MCM8: variants seen among roughly 807,000 people sequenced by gnomAD.
The protein encoded by MCM8 is DNA helicase MCM8.
MCM8 carries 85 observed loss-of-function variants against 98.9 expected under a neutral mutation model. The ratio of observed to expected loss-of-function variants is 0.86; its 90% CI spans 0.72 to 1.03. MCM8 has a LOEUF of 1.03. MCM8 is among the 50% of genes least tolerant of loss of function. MCM8 has a pLI of 0.00. For missense variants in MCM8, 951 were observed against 997.8 expected (o/e 0.95, Z 0.63); for synonymous variants, 352 against 338.6 (o/e 1.04, Z -0.44).
rs2089981578 is a variant in MCM8, at chr20:5,998,134, A to G, written c.*3743A>G. ...ATATTCATATATTGTTTATGAATGC[A>G]TTGAATTCATAAACAATGGTATGGA... On this transcript the variant is annotated 3_prime_UTR_variant, in exon 19 of 19. Coordinates refer to ENST00000610722, the MANE Select transcript of MCM8 (RefSeq NM_032485.6). 1.3e-5 allele frequency: 2 copies of G among 152,216 alleles called. No individual in the cohort carries two copies. Among genetic ancestry groups the G allele is most frequent in the South Asian group, 4.1e-4 (2 of 4,832 alleles). The allele number at this position is 152,216 out of a possible 1,614,324, so 9.4% of individuals were successfully genotyped here. A position where few individuals can be genotyped will look rare whatever the true frequency, so the allele number is the denominator to read the frequency against.
At chr20:5,978,808 A>G (rs76826642) in intron 13 of MCM8, among the ~76,000 whole-genome samples, 5,234 of 152,136 alleles carry the variant, frequency 0.034, 124 homozygotes, top group Middle Eastern at 0.1. Context: ...TCCACCCACC[A>G]CACCTCCCAA....
intron 12 of MCM8, among the ~76,000 whole-genome samples, chr20:5,974,226 G>T (rs562578079): frequency 1.3e-5 from 2 of 152,226 alleles, no homozygotes; most frequent in African/African-American, 4.8e-5. Context: ...TCCACCTTGG[G>T]CTCAGGCAAT....
chr20:5,973,802 G>A (rs1477473066), intron 12 of MCM8, among the ~76,000 whole-genome samples: 2 of 151,958 alleles, frequency 1.3e-5, no homozygotes, highest in South Asian at 2.1e-4. Flanking sequence ...TTATAGGTGC[G>A]CACCACCACG....
chr20:5,966,406 T>C (rs1450550576), intron 8 of MCM8, among the ~76,000 whole-genome samples: 2 of 152,160 alleles, frequency 1.3e-5, no homozygotes, highest in Non-Finnish European at 2.9e-5. Context: ...CTTTTTCTTA[T>C]ATCTTCTCTA....
rs2089980250 is a variant in MCM8 at position 5,998,025 on chromosome 20, A to G, written c.*3634A>G. The G allele has an allele frequency of 6.6e-6, 1 of 152,258 alleles. No homozygotes were observed. Among genetic ancestry groups the G allele is most frequent in the Non-Finnish European group, 1.5e-5 (1 of 68,060 alleles). 9.4% of individuals were successfully genotyped at this position (152,258 alleles called of 1,614,324 possible). A position where few individuals can be genotyped will look rare whatever the true frequency, so the allele number is the denominator to read the frequency against. ...CACCCTGTGATTGATGGATCTTTAT[A>G]GCTCTCCTTTGATAAAGAAGGGAAA... On this transcript the variant is annotated 3_prime_UTR_variant, in exon 19 of 19. Transcript: ENST00000610722.
chr20:5,985,820 A>T, intron 15 of MCM8, 102 bp from the exon 16 acceptor site: 1 of 1,148,288 alleles, frequency 8.7e-7, no homozygotes, highest in Non-Finnish European at 1.3e-6. Flanking sequence ...CGCAGGGATT[A>T]CAGGCGTGAG....
rs905718986 is a variant in MCM8, at chr20:5,967,358, G to A, written c.876-78G>A. On this transcript the variant is annotated intron_variant, in intron 8 of 18. Transcript: ENST00000610722. ...CTGCTTTTATCTTCCTCAGCATCAT[G>A]TGAACCCTGAATAGTTAATATCTTG... is the stretch of plus-strand genomic sequence containing the variant. 9.2e-6 allele frequency: 12 copies of A among 1,305,060 alleles called. No individual in the cohort carries two copies. In the African/African-American group the frequency reaches 1.6e-4, roughly 18 times the overall value. The allele number at this position is 1,305,060 out of a possible 1,614,324, so 80.8% of individuals were successfully genotyped here.
At position 5,983,185 on chromosome 20, in the gene MCM8, T is replaced by TA; in HGVS notation, c.1733+21dup. ...TTTAAAGTAAGTCTCTTCAAATATT[T>TA]ATACCTTTAATGTATTGAATCACTT... is the stretch of plus-strand genomic sequence containing the variant. On this transcript the variant is annotated intron_variant, in intron 14 of 18. Coordinates refer to ENST00000610722, the MANE Select transcript of MCM8 (RefSeq NM_032485.6). The TA allele has an allele frequency of 1.9e-6, 3 of 1,585,464 alleles. No individual in the cohort carries two copies. Among genetic ancestry groups the TA allele is most frequent in the Non-Finnish European group, 2.6e-6 (3 of 1,157,964 alleles).
At chr20:5,969,820 G>C (rs2089363746) in intron 10 of MCM8, among the ~76,000 whole-genome samples, 1 of 152,116 alleles carries the variant, frequency 6.6e-6, no homozygotes, top group Admixed American at 6.6e-5. Flanking sequence ...CGTTGCTGGG[G>C]TGGTCTTGGA....
intron 8 of MCM8, chr20:5,965,603 T>G (rs1441964996): frequency 6.6e-6 from 1 of 152,202 alleles, no homozygotes; most frequent in African/African-American, 2.4e-5. Flanking sequence ...CTGGGTTTTG[T>G]TTTGTTGGTT....
Position 5,993,686 on chromosome 20 carries a change from A to C in MCM8, c.2421A>C (p.Leu807=), listed in dbSNP as rs1158906834. 5 of 1,601,552 alleles carry C rather than the reference A, an allele frequency of 3.1e-6. No individual in the cohort carries two copies. The East Asian group carries it at 1.1e-4, about 36-fold the overall frequency. The change falls in exon 18 of 19, where the codon CTA becomes CTC. Residue 807 remains leucine (L), a synonymous_variant. Transcript: ENST00000610722. ...FHQLRQIAKE[L]NIQVADFENF... is the part of the protein sequence containing the mutation. ...AACTTCGGCAGATTGCCAAAGAACT[A>C]AACATTCAGGTATGTTAAACTAGTT...
At chr20:5,971,619 G>T (rs757181266) in intron 10 of MCM8, among the ~76,000 whole-genome samples, 1 of 152,120 alleles carries the variant, frequency 6.6e-6, no homozygotes, top group Non-Finnish European at 1.5e-5. Flanking sequence ...TCACTTCTCA[G>T]TCTCCTTTCA....
At chr20:5,962,075 A>G (rs2089157616) in intron 7 of MCM8, among the ~76,000 whole-genome samples, 1 of 152,220 alleles carries the variant, frequency 6.6e-6, no homozygotes, top group African/African-American at 2.4e-5. Context: ...GCTGGAGTAC[A>G]GCAAGGTGGC....
chr20:5,957,750 C>T (rs1196779024), intron 6 of MCM8, among the ~76,000 whole-genome samples: 2 of 152,174 alleles, frequency 1.3e-5, no homozygotes, highest in East Asian at 3.8e-4. Flanking sequence ...CTGTAATACA[C>T]TAAGTGTTCT....
At chr20:5,990,743 A>C (rs890587697) in intron 17 of MCM8, among the ~76,000 whole-genome samples, 5 of 152,196 alleles carry the variant, frequency 3.3e-5, no homozygotes, top group Non-Finnish European at 7.3e-5. Flanking sequence ...CCAAAATTTC[A>C]GAATTTTTTT....
At chr20:5,968,642 A>T (rs1394453384) in intron 10 of MCM8, among the ~76,000 whole-genome samples, 1 of 152,264 alleles carries the variant, frequency 6.6e-6, no homozygotes, top group Middle Eastern at 3.2e-3. Flanking sequence ...CTTTTGTGCT[A>T]CAGTGGCAGA....
intron 6 of MCM8, among the ~76,000 whole-genome samples, chr20:5,958,142 A>G (rs112507288): frequency 0.024 from 3,687 of 152,328 alleles, 133 homozygotes; most frequent in African/African-American, 0.077. Context: ...AGTCCGAGGC[A>G]GGCGGATCAC....
Position 5,998,356 on chromosome 20 carries a change from G to A in MCM8, c.*3965G>A, listed in dbSNP as rs571418731. 1.3e-5 allele frequency: 2 copies of A among 152,218 alleles called. No individual in the cohort carries two copies. Among genetic ancestry groups the A allele is most frequent in the Non-Finnish European group, 2.9e-5 (2 of 68,044 alleles). The allele number at this position is 152,218 out of a possible 1,614,324, so 9.4% of individuals were successfully genotyped here. The stretch of plus-strand genomic sequence containing the variant: ...GGTTCCACTGATCAGACACCCATGT[G>A]TGAGATTTGGAATGCAGAACTGAGG... On this transcript the variant is annotated 3_prime_UTR_variant, in exon 19 of 19. Coordinates refer to ENST00000610722, the MANE Select transcript of MCM8 (RefSeq NM_032485.6).
In MCM8 at chr20:5,967,991, C is replaced by A. The variant is rs1343950925; in HGVS notation, c.1189C>A (p.Gln397Lys). The A allele has an allele frequency of 1.9e-6, 3 of 1,611,814 alleles. No homozygotes were observed. Among genetic ancestry groups the A allele is most frequent in the Admixed American group, 3.4e-5 (2 of 59,492 alleles). The change falls in exon 10 of 19, where the codon CAA (glutamine) becomes AAA (lysine). Residue 397 changes from glutamine (Q) to lysine (K), a missense_variant. Coordinates refer to ENST00000610722, the MANE Select transcript of MCM8 (RefSeq NM_032485.6). ...AGACCTTTATGCCATCCAAGAGATT[C>A]AAGCTGAAGAAAACCTGTTTAAACT... is the stretch of plus-strand genomic sequence containing the variant. ...LKDLYAIQEIQAEENLFKLIV... is the reference protein window; with the variant it reads ...LKDLYAIQEIKAEENLFKLIV...
Sources: gnomAD v4.1 joint callset for allele counts (sites outside exome capture counted in the v4.1 genomes callset) on GRCh38, gnomAD v4.1.1 for gene constraint, MANE v1.5 for transcripts, NCBI Gene and HGNC (gene_info 2026-07-23, HGNC 2026-07-21) for gene names.